The following DIAPH1 variants were observed in gnomAD, a reference collection of about 807,000 sequenced individuals.
DIAPH1 encodes protein diaphanous homolog 1.
Under a neutral mutation model 140.7 loss-of-function variants are expected in DIAPH1, and 46 were observed. The ratio of observed to expected loss-of-function variants is 0.33; its 90% CI spans 0.26 to 0.42. The LOEUF (loss-of-function observed/expected upper bound fraction) is 0.42. DIAPH1 is among the 10% of genes least tolerant of loss of function. DIAPH1 has a pLI of 1.00. For synonymous variants in DIAPH1, 565 were observed against 551.6 expected (o/e 1.02, Z -0.34); for missense variants, 1,310 against 1,558.7 (o/e 0.84, Z 2.69).
chr5:141,540,169 C>T (rs998706189), intron 18 of DIAPH1, among the ~76,000 whole-genome samples: 2 of 151,582 alleles, frequency 1.3e-5, no homozygotes, highest in Admixed American at 6.6e-5. Flanking sequence ...CAGGCTAGAG[C>T]GCAGTGACAT....
intron 27 of DIAPH1, among the ~76,000 whole-genome samples, chr5:141,520,268 T>C (rs2099886316): frequency 6.6e-6 from 1 of 152,160 alleles, no homozygotes; most frequent in Non-Finnish European, 1.5e-5. Flanking sequence ...GAATAAGCAG[T>C]GGTACAGGAA....
At chr5:141,559,439 G>C (rs1468605881) in intron 18 of DIAPH1, among the ~76,000 whole-genome samples, 1 of 152,136 alleles carries the variant, frequency 6.6e-6, no homozygotes, top group African/African-American at 2.4e-5. Flanking sequence ...CTGTAAGGAG[G>C]GACAGGGCAA....
intron 1 of DIAPH1, among the ~76,000 whole-genome samples, chr5:141,590,120 T>C (rs943690822): frequency 2.0e-5 from 3 of 152,186 alleles, no homozygotes; most frequent in South Asian, 2.1e-4. Context: ...CAAAGCTATT[T>C]TTCCTCTTTC....
chr5:141,540,242 T>C (rs983662885), intron 18 of DIAPH1, among the ~76,000 whole-genome samples: 5 of 151,320 alleles, frequency 3.3e-5, no homozygotes, highest in South Asian at 2.1e-4. Flanking sequence ...TCAGCCTCCT[T>C]CTCGAGTAGC....
intron 3 of DIAPH1, among the ~76,000 whole-genome samples, chr5:141,585,625 C>A (rs917931063): frequency 1.3e-5 from 2 of 152,030 alleles, no homozygotes; most frequent in East Asian, 1.9e-4. Context: ...CATGATGAAA[C>A]CCTATCTCTA....
chr5:141,525,873 A>G (rs1025261180), intron 26 of DIAPH1, among the ~76,000 whole-genome samples, 165 bp downstream of exon 26: 1 of 152,194 alleles, frequency 6.6e-6, no homozygotes, highest in Non-Finnish European at 1.5e-5. Context: ...ATGCGCATGT[A>G]TCAGAATTGG....
intron 18 of DIAPH1, among the ~76,000 whole-genome samples, chr5:141,557,132 TA>T (rs1051885519): frequency 1.2e-4 from 19 of 152,170 alleles, no homozygotes; most frequent in Admixed American, 4.6e-4. Context: ...AATGAACTAT[TA>T]AAAAAAACAA....
chr5:141,617,776 C>T lies in DIAPH1; in HGVS notation c.117+1022G>A, dbSNP rs572358233. ...AACCAAACGGCTCCCTGGAGAGAGG[C>T]GTTGGTGTGGGCAAAAGGTAATGAA... is the stretch of plus-strand genomic sequence containing the variant. On this transcript the variant is annotated intron_variant, in intron 1 of 27. Coordinates refer to ENST00000389054, the MANE Select transcript of DIAPH1 (RefSeq NM_005219.5). Among the ~76,000 whole-genome samples the T allele has an allele frequency of 1.1e-3, 172 of 152,218 alleles. 1 individual carries two copies. In the Middle Eastern group the frequency reaches 0.017, roughly 15 times the overall value.
chr5:141,537,212 G>A (rs1042019333), intron 18 of DIAPH1, among the ~76,000 whole-genome samples: 63 of 151,540 alleles, frequency 4.2e-4, no homozygotes, highest in African/African-American at 1.5e-3. Context: ...GGCCAGACGC[G>A]GTGGCTCATG....
chr5:141,524,347 C>A, intron 26 of DIAPH1, 118 bp from the exon 27 acceptor site: 1 of 954,198 alleles, frequency 1.0e-6, no homozygotes, highest in Non-Finnish European at 1.7e-6. Context: ...CAGCAGCTGG[C>A]AGCTAAGAAG....
intron 1 of DIAPH1, among the ~76,000 whole-genome samples, chr5:141,604,162 T>A (rs925641414): frequency 6.6e-6 from 1 of 152,222 alleles, no homozygotes; most frequent in African/African-American, 2.4e-5. Flanking sequence ...CACCGGTATC[T>A]TCTGCTGTTC....
intron 18 of DIAPH1, among the ~76,000 whole-genome samples, chr5:141,553,604 C>T (rs1562304597): frequency 6.6e-6 from 1 of 152,000 alleles, no homozygotes; most frequent in Non-Finnish European, 1.5e-5. Flanking sequence ...GATCACACCA[C>T]TGCACTCCAG....
chr5:141,532,277 T>A lies in DIAPH1; in HGVS notation c.2581+2058A>T, dbSNP rs183014547. Among the ~76,000 whole-genome samples the A allele has an allele frequency of 1.8e-3, 278 of 152,260 alleles. 3 individuals are homozygous for A. The highest frequency in any genetic ancestry group is 2.9e-4 in the Non-Finnish European group (20 of 68,022). On this transcript the variant is annotated intron_variant, in intron 19 of 27. Transcript: ENST00000389054. ...ACCTCAAATTCCTGGGCTCAAGTGA[T>A]CCTTCTGCCTTAGCCTCCTGAGTAG... is the stretch of plus-strand genomic sequence containing the variant.
chr5:141,616,103 C>T (rs1223113830), intron 1 of DIAPH1, among the ~76,000 whole-genome samples: 7 of 152,146 alleles, frequency 4.6e-5, no homozygotes, highest in Non-Finnish European at 8.8e-5. Context: ...GGGGTAATAC[C>T]AGGCAGCCTG....
intron 18 of DIAPH1, among the ~76,000 whole-genome samples, chr5:141,555,940 C>A (rs1005931077): frequency 2.6e-5 from 4 of 152,148 alleles, no homozygotes; most frequent in African/African-American, 9.7e-5. Flanking sequence ...CTACGAGTGT[C>A]CTGCCAGCCT....
At position 141,525,777 on chromosome 5, in the gene DIAPH1, C is replaced by T. The variant is rs539690336; in HGVS notation, c.3574+261G>A. On this transcript the variant is annotated intron_variant, in intron 26 of 27. Coordinates refer to ENST00000389054, the MANE Select transcript of DIAPH1 (RefSeq NM_005219.5). ...AGAAGGAAAACAGTATATATCACAG[C>T]AATACCACAATCACAGGGGAATGAG... 2.0e-5 allele frequency among the ~76,000 whole-genome samples: 3 copies of T among 152,246 alleles called. No homozygotes were observed. The South Asian group carries it at 6.2e-4, about 32-fold the overall frequency.
intron 1 of DIAPH1, among the ~76,000 whole-genome samples, chr5:141,609,396 A>G (rs1485277791): frequency 1.3e-5 from 2 of 152,150 alleles, no homozygotes; most frequent in Admixed American, 1.3e-4. Context: ...CTGGACACAC[A>G]TAAACTGTCA....
At chr5:141,613,120 G>A (rs919278768) in intron 1 of DIAPH1, among the ~76,000 whole-genome samples, 2 of 152,162 alleles carry the variant, frequency 1.3e-5, no homozygotes, top group Admixed American at 6.5e-5. Flanking sequence ...CTAAGGACCA[G>A]TCATATCCAC....
chr5:141,566,543 A>G (rs995882119), intron 18 of DIAPH1, among the ~76,000 whole-genome samples: 1 of 152,226 alleles, frequency 6.6e-6, no homozygotes, highest in Admixed American at 6.5e-5. Flanking sequence ...TGAATAACAA[A>G]GATTACATCT....
Sources: allele counts gnomAD v4.1 joint callset (sites outside exome capture counted in the v4.1 genomes callset), GRCh38; gene constraint gnomAD v4.1.1; transcripts MANE v1.5; gene names NCBI Gene and HGNC (gene_info 2026-07-23, HGNC 2026-07-21).